The following GNAI1 variants were observed in gnomAD, a reference collection of about 807,000 sequenced individuals.
GNAI1 encodes guanine nucleotide-binding protein G(i) subunit alpha-1.
A neutral mutation model predicts 38.9 loss-of-function variants in GNAI1; 11 were observed. The ratio of observed to expected loss-of-function variants is 0.28; its 90% CI spans 0.18 to 0.47. The LOEUF (loss-of-function observed/expected upper bound fraction) is 0.47, where lower values mean the gene tolerates loss of function less well. GNAI1 is among the 20% of genes least tolerant of loss of function. GNAI1 has a pLI of 0.99. For missense variants in GNAI1, 317 were observed against 436.9 expected (o/e 0.73, Z 2.45); for synonymous variants, 166 against 145.1 (o/e 1.14, Z -1.04).
intron 7 of GNAI1, among the ~76,000 whole-genome samples, chr7:80,215,871 G>GT (rs1562846116): frequency 6.6e-6 from 1 of 152,158 alleles, no homozygotes; most frequent in Non-Finnish European, 1.5e-5. Context: ...AGCCGGTGAA[G>GT]TAGAATGAAG....
intron 3 of GNAI1, among the ~76,000 whole-genome samples, chr7:80,193,202 C>T (rs1788512168): frequency 6.6e-6 from 1 of 152,114 alleles, no homozygotes; most frequent in Non-Finnish European, 1.5e-5. Flanking sequence ...TGAGAGCCAG[C>T]TTAATTCCCC....
At chr7:80,210,897 G>A (rs1455400939) in intron 5 of GNAI1, 72 bp from the exon 6 acceptor site, 4 of 1,298,452 alleles carry the variant, frequency 3.1e-6, no homozygotes, top group South Asian at 1.4e-5. Context: ...AGCTTTTTTT[G>A]TTAGCATTAA....
At chr7:80,212,622 A>T in intron 6 of GNAI1, 94 bp from the exon 7 acceptor site, 1 of 686,010 alleles carries the variant, frequency 1.5e-6, no homozygotes, top group Non-Finnish European at 2.3e-6. Context: ...TCAATCACTA[A>T]ACTCTGTTTT....
At chr7:80,169,284 T>G (rs1008859606) in intron 1 of GNAI1, among the ~76,000 whole-genome samples, 1 of 152,220 alleles carries the variant, frequency 6.6e-6, no homozygotes, top group Non-Finnish European at 1.5e-5. Context: ...TAAAACCTTT[T>G]AACGTTTGCA....
intron 1 of GNAI1, among the ~76,000 whole-genome samples, chr7:80,181,015 T>A (rs1427843077): frequency 6.6e-6 from 1 of 152,112 alleles, no homozygotes; most frequent in East Asian, 1.9e-4. Flanking sequence ...TCTTGATAGC[T>A]TTCATATAAA....
At chr7:80,168,910 TC>T (rs1788057782) in intron 1 of GNAI1, among the ~76,000 whole-genome samples, 4 of 152,348 alleles carry the variant, frequency 2.6e-5, no homozygotes, top group African/African-American at 9.6e-5. Context: ...TACAGGTTTT[TC>T]TTTTTGATGA....
In GNAI1 at chr7:80,218,275, T is replaced by A. The variant is rs2115730036; in HGVS notation, c.*782T>A. On this transcript the variant is annotated 3_prime_UTR_variant, in exon 8 of 8. Transcript: ENST00000649796. ...TGAGGATATACTGTCTTAGACTTAT[T>A]GTACACACTTAGTTTTTATTCACTT... 1 of 152,314 alleles carries A rather than the reference T, an allele frequency of 6.6e-6. No individual in the cohort carries two copies. The highest frequency in any genetic ancestry group is 1.5e-5 in the Non-Finnish European group (1 of 67,998). 9.4% of individuals were successfully genotyped at this position (152,314 alleles called of 1,614,324 possible). A position where few individuals can be genotyped will look rare whatever the true frequency, so the allele number is the denominator to read the frequency against.
intron 1 of GNAI1, among the ~76,000 whole-genome samples, chr7:80,154,454 C>G (rs1040378673): frequency 6.6e-6 from 1 of 152,122 alleles, no homozygotes; most frequent in Non-Finnish European, 1.5e-5. Context: ...TCCCCAAGTT[C>G]TTGGGTTTGC....
At chr7:80,137,832 C>T (rs1583998965) in intron 1 of GNAI1, among the ~76,000 whole-genome samples, 1 of 152,176 alleles carries the variant, frequency 6.6e-6, no homozygotes, top group South Asian at 2.1e-4. Context: ...CCCTTTTGCC[C>T]AGAGTTCCAT....
chr7:80,181,710 T>C (rs1392574255), intron 1 of GNAI1, among the ~76,000 whole-genome samples: 1 of 152,230 alleles, frequency 6.6e-6, no homozygotes, highest in Admixed American at 6.5e-5. Flanking sequence ...TATTCTTTCA[T>C]GCTTCTGCAG....
rs184977836 is a variant in GNAI1 at position 80,221,931 on chromosome 7, C to T, written c.*4438C>T. On this transcript the variant is annotated 3_prime_UTR_variant, in exon 8 of 8. Coordinates refer to ENST00000649796, the MANE Select transcript of GNAI1 (RefSeq NM_002069.6). ...CTGGGATTACAGACGTGAGCCACTG[C>T]GCCCAGCCAGTTTTCTTTTTTAGTT... Among the ~76,000 whole-genome samples, 95 of 152,174 alleles carry T rather than the reference C, an allele frequency of 6.2e-4. No individual in the cohort carries two copies. Among genetic ancestry groups the T allele is most frequent in the African/African-American group, 2.1e-3 (87 of 41,532 alleles).
At chr7:80,166,903 G>A (rs768933588) in intron 1 of GNAI1, among the ~76,000 whole-genome samples, 159 of 152,170 alleles carry the variant, frequency 1.0e-3, no homozygotes, top group Non-Finnish European at 1.4e-3. Context: ...AAGTTGACAA[G>A]ATGTATAAAG....
chr7:80,216,877 A>C (rs924778028), intron 7 of GNAI1, among the ~76,000 whole-genome samples: 3 of 151,804 alleles, frequency 2.0e-5, no homozygotes, highest in African/African-American at 7.2e-5. Flanking sequence ...GTATATATAG[A>C]AAAGGGAGGA....
chr7:80,182,063 T>G (rs185817839), intron 1 of GNAI1, among the ~76,000 whole-genome samples: 1 of 152,274 alleles, frequency 6.6e-6, no homozygotes, highest in Non-Finnish European at 1.5e-5. Context: ...ATCCTCCTGG[T>G]AATCACAGTT....
In GNAI1 at chr7:80,222,785, A is replaced by G. The variant is rs77106135; in HGVS notation, c.*5292A>G. 0.1 allele frequency among the ~76,000 whole-genome samples: 15,415 copies of G among 152,206 alleles called. 896 individuals carry two copies. The highest frequency in any genetic ancestry group is 0.2 in the South Asian group (941 of 4,822). On this transcript the variant is annotated 3_prime_UTR_variant, in exon 8 of 8. Coordinates refer to ENST00000649796, the MANE Select transcript of GNAI1 (RefSeq NM_002069.6). ...AGCAGATAAGAGTGCCACTTTTAGT[A>G]AAAGAAGTTGTCACCTAGAAGAAAG... is the stretch of plus-strand genomic sequence containing the variant.
In GNAI1 at chr7:80,219,962, C is replaced by A. The variant is rs754788352; in HGVS notation, c.*2469C>A. 1.8e-4 allele frequency among the ~76,000 whole-genome samples: 28 copies of A among 152,266 alleles called. No homozygotes were observed. Among genetic ancestry groups the A allele is most frequent in the Non-Finnish European group, 2.9e-4 (20 of 68,010 alleles). ...TATTCCTACTACTACCTATTCAAGT[C>A]TTTGCTAAACTTCCTCTTAAAATGG... is the stretch of plus-strand genomic sequence containing the variant. On this transcript the variant is annotated 3_prime_UTR_variant, in exon 8 of 8. Transcript: ENST00000649796.
chr7:80,148,203 A>C (rs1787661949), intron 1 of GNAI1, among the ~76,000 whole-genome samples: 1 of 152,190 alleles, frequency 6.6e-6, no homozygotes, highest in Admixed American at 6.5e-5. Context: ...AGAGCTAAGC[A>C]CTAAGTAAAT....
At position 80,225,546 on chromosome 7, in the gene GNAI1, G is replaced by A. The variant is rs1240459745; in HGVS notation, c.*8053G>A. Among the ~76,000 whole-genome samples, 1 of 152,076 alleles carries A rather than the reference G, an allele frequency of 6.6e-6. No individual in the cohort carries two copies. On this transcript the variant is annotated 3_prime_UTR_variant, in exon 8 of 8. Transcript: ENST00000649796. Reference sequence around the variant, plus strand: ...CTCCCACAGGACTGGGCTGAGCACAGTCATGCATTAAAAAAGCTTCTGAAC... The same window carrying A: ...CTCCCACAGGACTGGGCTGAGCACAATCATGCATTAAAAAAGCTTCTGAAC...
At chr7:80,198,348 A>G (rs1343071632) in intron 3 of GNAI1, among the ~76,000 whole-genome samples, 2 of 152,150 alleles carry the variant, frequency 1.3e-5, no homozygotes, top group African/African-American at 4.8e-5. Flanking sequence ...CTTTAAAAAA[A>G]GCTTTTAAAA....
Sources: gnomAD v4.1 joint callset for allele counts (sites outside exome capture counted in the v4.1 genomes callset) on GRCh38, gnomAD v4.1.1 for gene constraint, MANE v1.5 for transcripts, NCBI Gene and HGNC (gene_info 2026-07-23, HGNC 2026-07-21) for gene names.